Variants in RSPH14 observed in about 807,000 individuals in gnomAD.
The protein encoded by RSPH14 is rhabdoid tumor deletion region gene 1.
In RSPH14, 20 loss-of-function variants were observed where a neutral mutation model predicts 26.7. That is an observed-to-expected ratio of 0.75 (90% CI 0.53 to 1.09). RSPH14 has a LOEUF of 1.09. Among genes scored for constraint, RSPH14 ranks in the 50% least tolerant of loss-of-function variants. The pLI is 0.00. For missense variants in RSPH14, 449 were observed against 457.2 expected (o/e 0.98, Z 0.16); for synonymous variants, 177 against 189.3 (o/e 0.93, Z 0.53).
At chr22:23,128,346 C>A (rs570634472) in intron 4 of RSPH14, among the ~76,000 whole-genome samples, 8 of 152,206 alleles carry the variant, frequency 5.3e-5, no homozygotes, top group Non-Finnish European at 8.8e-5. Flanking sequence ...AGGCCTCCCC[C>A]TCTCATCGGG....
At chr22:23,144,127 A>AAGG (rs1452922033), upstream of RSPH14, among the ~76,000 whole-genome samples, 10 of 150,830 alleles carry the variant, frequency 6.6e-5, no homozygotes, top group African/African-American at 2.5e-4. Context: ...AAAACAGCTA[A>AAGG]AGGAGGAGTT....
chr22:23,081,412 T>C (rs370293104), intron 4 of RSPH14, among the ~76,000 whole-genome samples: 3 of 152,322 alleles, frequency 2.0e-5, no homozygotes, highest in South Asian at 4.1e-4. Flanking sequence ...ATTTCTTAGG[T>C]CTTCCTGCTT....
chr22:23,145,967 C>T, upstream of RSPH14: 2 of 985,212 alleles, frequency 2.0e-6, no homozygotes, highest in Non-Finnish European at 2.4e-6. Context: ...AGACTGGGAG[C>T]AGGAGACCCC....
At chr22:23,139,766 A>G (rs1456153115) in intron 2 of RSPH14, among the ~76,000 whole-genome samples, 2 of 152,200 alleles carry the variant, frequency 1.3e-5, no homozygotes, top group Non-Finnish European at 2.9e-5. Flanking sequence ...CTTTCTAAGG[A>G]TTAAGATAAT....
intron 4 of RSPH14, among the ~76,000 whole-genome samples, chr22:23,088,071 A>G (rs1281409775): frequency 6.6e-6 from 1 of 152,248 alleles, no homozygotes; most frequent in Non-Finnish European, 1.5e-5. Context: ...ACACCCAGGA[A>G]TGAACAAGGA....
At chr22:23,159,172 G>C in the RSPH14 span, 4 of 1,610,906 alleles carry the variant, frequency 2.5e-6, no homozygotes, top group Non-Finnish European at 3.4e-6. Flanking sequence ...GTCAGGGGCC[G>C]CATGTGAGCA....
At chr22:23,129,882 T>C (rs1342273615) in intron 4 of RSPH14, among the ~76,000 whole-genome samples, 1 of 149,670 alleles carries the variant, frequency 6.7e-6, no homozygotes, top group East Asian at 2.0e-4. Flanking sequence ...ACCATGCCAC[T>C]ACAGTACAGC....
At chr22:23,106,208 C>T (rs908159756) in intron 4 of RSPH14, among the ~76,000 whole-genome samples, 3 of 152,252 alleles carry the variant, frequency 2.0e-5, no homozygotes, top group South Asian at 2.1e-4. Flanking sequence ...TAAGACCCTG[C>T]AAGTCAGTGA....
chr22:23,152,991 T>G, the RSPH14 span: 1 of 1,421,796 alleles, frequency 7.0e-7, no homozygotes, highest in Non-Finnish European at 9.9e-7. Flanking sequence ...CGGGCACATT[T>G]CTGTGAGTAC....
At chr22:23,161,097 C>A in the RSPH14 span, 1 of 1,412,284 alleles carries the variant, frequency 7.1e-7, no homozygotes, top group Non-Finnish European at 9.6e-7. Flanking sequence ...ATTTCCTGAA[C>A]TTGTGGCCCT....
At chr22:23,148,605 G>T (rs554866822), upstream of RSPH14, among the ~76,000 whole-genome samples, 54 of 152,266 alleles carry the variant, frequency 3.5e-4, no homozygotes, top group African/African-American at 1.3e-3. Context: ...GGCCACTGCT[G>T]GTCAAGTTCA....
intron 4 of RSPH14, among the ~76,000 whole-genome samples, chr22:23,082,280 G>A (rs867750678): frequency 1.4e-4 from 21 of 150,074 alleles, no homozygotes; most frequent in South Asian, 6.6e-4. Context: ...GTAATGGCGC[G>A]ATCTCGGCTC....
At chr22:23,094,194 C>T (rs574139478) in intron 4 of RSPH14, among the ~76,000 whole-genome samples, 7 of 152,158 alleles carry the variant, frequency 4.6e-5, no homozygotes, top group South Asian at 4.1e-4. Flanking sequence ...CGTGGGTCTC[C>T]GGACAGGGAC....
At chr22:23,087,859 T>C (rs1347083811) in intron 4 of RSPH14, among the ~76,000 whole-genome samples, 1 of 152,200 alleles carries the variant, frequency 6.6e-6, no homozygotes, top group East Asian at 1.9e-4. Context: ...CAAGCACTGA[T>C]CTCAAGAGCA....
Position 23,134,254 on chromosome 22 carries a change from C to A in RSPH14, c.303-110G>T, listed in dbSNP as rs941140940. 6.7e-6 allele frequency: 5 copies of A among 748,224 alleles called. No homozygotes were observed. In the South Asian group the frequency reaches 8.8e-5, roughly 13 times the overall value. 46.3% of individuals were successfully genotyped at this position (748,224 alleles called of 1,614,324 possible). On this transcript the variant is annotated intron_variant, in intron 3 of 6. Transcript: ENST00000216036. ...TCTGATCCATGCTATCTGGGGTAGA[C>A]CACATTCCTCTGGCTTTGTGGGAGC...
chr22:23,085,159 G>T (rs1308132118), intron 4 of RSPH14, among the ~76,000 whole-genome samples: 1 of 152,176 alleles, frequency 6.6e-6, no homozygotes, highest in Admixed American at 6.5e-5. Context: ...CATCTGCGGG[G>T]TCAGCTCTGG....
chr22:23,124,319 T>TA (rs746072554), intron 4 of RSPH14: 1 of 372,100 alleles, frequency 2.7e-6, no homozygotes, highest in African/African-American at 2.2e-5. Flanking sequence ...TTTCAAAACA[T>TA]ATTTTTTTTC....
the RSPH14 span, chr22:23,157,897 C>T: frequency 1.9e-6 from 3 of 1,589,080 alleles, no homozygotes; most frequent in Non-Finnish European, 2.6e-6. Context: ...GGGGGGCTGC[C>T]CTGGCAGTTC....
At chr22:23,060,175 A>G (rs2068062718) in intron 6 of RSPH14, among the ~76,000 whole-genome samples, 1 of 150,214 alleles carries the variant, frequency 6.7e-6, no homozygotes, top group African/African-American at 2.5e-5. Flanking sequence ...CTGGCTCTTT[A>G]AAAAAAGTAA....
Sources: allele counts gnomAD v4.1 joint callset (sites outside exome capture counted in the v4.1 genomes callset), GRCh38; gene constraint gnomAD v4.1.1; transcripts MANE v1.5; gene names NCBI Gene and HGNC (gene_info 2026-07-23, HGNC 2026-07-21).